CHN1: variants seen among roughly 807,000 people sequenced by gnomAD.
CHN1 encodes the protein N-chimaerin.
Under a neutral mutation model 59.5 loss-of-function variants are expected in CHN1, and 37 were observed. The observed-to-expected ratio is 0.62, with a 90% confidence interval of 0.48 to 0.82. The LOEUF is 0.82. Among genes scored for constraint, CHN1 ranks in the 40% least tolerant of loss-of-function variants. The probability of loss-of-function intolerance (pLI) is 0.00; values close to 1 mark genes in which losing one functional copy is unlikely to be tolerated. For missense variants in CHN1, 469 were observed against 571.0 expected (o/e 0.82, Z 1.82); for synonymous variants, 206 against 200.4 (o/e 1.03, Z -0.24).
intron 7 of CHN1, among the ~76,000 whole-genome samples, chr2:174,845,781 T>G (rs1363169350): frequency 9.5e-3 from 725 of 76,478 alleles, no homozygotes; most frequent in Middle Eastern, 0.011. Flanking sequence ...AGCATATGGG[T>G]GGGGGGGGGG....
chr2:175,003,281 A>G (rs1691947853), intron 1 of CHN1, among the ~76,000 whole-genome samples: 1 of 152,260 alleles, frequency 6.6e-6, no homozygotes, highest in African/African-American at 2.4e-5. Flanking sequence ...TCCCATAAGT[A>G]GACTTTAAAA....
In CHN1 at chr2:174,828,712, T is replaced by C. The variant is rs60518344; in HGVS notation, c.628-4194A>G. Among the ~76,000 whole-genome samples the C allele has an allele frequency of 2.4e-4, 37 of 152,324 alleles. No homozygotes were observed. In the East Asian group the frequency reaches 6.7e-3, roughly 28 times the overall value. On this transcript the variant is annotated intron_variant, in intron 7 of 12. Coordinates refer to ENST00000409900, the MANE Select transcript of CHN1 (RefSeq NM_001822.7). ...AAGCCATAAGTTGCATCTTGAAGAC[T>C]ATTTGTGTGTTGCAGGATGCTAAGG...
At chr2:174,931,791 A>C (rs1277047312) in intron 3 of CHN1, among the ~76,000 whole-genome samples, 3 of 152,328 alleles carry the variant, frequency 2.0e-5, no homozygotes, top group Non-Finnish European at 4.4e-5. Context: ...GATTTGAAGC[A>C]TATGAACGAA....
chr2:174,980,743 T>C (rs1446562729), intron 1 of CHN1, among the ~76,000 whole-genome samples: 2 of 152,132 alleles, frequency 1.3e-5, no homozygotes, highest in Non-Finnish European at 1.5e-5. Context: ...AATGTGTAGA[T>C]TGTTGCAAAC....
At chr2:174,965,117 T>A (rs889509749) in intron 1 of CHN1, among the ~76,000 whole-genome samples, 2 of 152,146 alleles carry the variant, frequency 1.3e-5, no homozygotes, top group African/African-American at 4.8e-5. Context: ...ATTCATTTAC[T>A]GACTGATAGG....
intron 2 of CHN1, among the ~76,000 whole-genome samples, chr2:174,951,960 C>T (rs1314303557): frequency 6.6e-6 from 1 of 152,180 alleles, no homozygotes; most frequent in Non-Finnish European, 1.5e-5. Flanking sequence ...GGATGAAATG[C>T]ATTCCAGACG....
At chr2:174,835,524 T>C (rs1207705625) in intron 7 of CHN1, among the ~76,000 whole-genome samples, 1 of 152,082 alleles carries the variant, frequency 6.6e-6, no homozygotes, top group Admixed American at 6.6e-5. Flanking sequence ...AAATTACACT[T>C]ATGTTAAGAC....
intron 1 of CHN1, among the ~76,000 whole-genome samples, chr2:174,966,036 G>A (rs1157914080): frequency 1.3e-5 from 2 of 152,128 alleles, no homozygotes; most frequent in African/African-American, 4.8e-5. Context: ...AAACAAAAAT[G>A]AGCCTTGCTA....
At position 174,811,504 on chromosome 2, in the gene CHN1, A is replaced by G; in HGVS notation, c.964+7T>C. ...TCCTAAGTTATGGAACATTGTGAAA[A>G]ACATACCTCTGTCGAAAGCCATCTT... On this transcript the variant is annotated splice_region_variant and intron_variant, in intron 10 of 12. Coordinates refer to ENST00000409900, the MANE Select transcript of CHN1 (RefSeq NM_001822.7). 5 of 1,599,920 alleles carry G rather than the reference A, an allele frequency of 3.1e-6. No individual in the cohort carries two copies. Among genetic ancestry groups the G allele is most frequent in the Non-Finnish European group, 4.3e-6 (5 of 1,168,688 alleles).
At chr2:174,864,504 A>T (rs1687157556) in intron 6 of CHN1, among the ~76,000 whole-genome samples, 1 of 152,222 alleles carries the variant, frequency 6.6e-6, no homozygotes. Flanking sequence ...AAATTAGGTT[A>T]ATCATTTAAT....
At chr2:174,830,017 G>A (rs1685818123) in intron 7 of CHN1, among the ~76,000 whole-genome samples, 1 of 152,058 alleles carries the variant, frequency 6.6e-6, no homozygotes, top group East Asian at 1.9e-4. Context: ...TGGCTCACGA[G>A]GTCAAGAGAT....
At chr2:174,947,995 A>T (rs1689896866) in intron 2 of CHN1, among the ~76,000 whole-genome samples, 1 of 152,200 alleles carries the variant, frequency 6.6e-6, no homozygotes, top group African/African-American at 2.4e-5. Flanking sequence ...TAAATTCAAG[A>T]TGAGGGAATA....
rs888042480 is a variant in CHN1 at position 175,005,335 on chromosome 2, C to A, written c.-423G>T. On this transcript the variant is annotated 5_prime_UTR_variant, in exon 1 of 13. Transcript: ENST00000409900. ...AGCCCCCGGCGGGGCGCGCTCACTC[C>A]GCATCCCGCGGCCTCGCAGACGCCA... The A allele has an allele frequency of 5.2e-6, 6 of 1,163,192 alleles. No individual in the cohort carries two copies. Among genetic ancestry groups the A allele is most frequent in the Non-Finnish European group, 6.5e-6 (6 of 925,938 alleles). The allele number at this position is 1,163,192 out of a possible 1,614,324, so 72.1% of individuals were successfully genotyped here. A position where few individuals can be genotyped will look rare whatever the true frequency, so the allele number is the denominator to read the frequency against.
intron 1 of CHN1, among the ~76,000 whole-genome samples, chr2:174,970,493 G>A (rs1422864037): frequency 6.6e-6 from 1 of 152,174 alleles, no homozygotes; most frequent in African/African-American, 2.4e-5. Context: ...CCACCACCAT[G>A]AGCTTGACAG....
chr2:174,920,893 TC>T, intron 3 of CHN1: 1 of 414,798 alleles, frequency 2.4e-6, no homozygotes, highest in Non-Finnish European at 4.9e-6. Flanking sequence ...GAGCTTGTTT[TC>T]CTGCAACTAG....
chr2:174,985,325 T>G (rs1691304612), intron 1 of CHN1, among the ~76,000 whole-genome samples: 1 of 152,200 alleles, frequency 6.6e-6, no homozygotes, highest in African/African-American at 2.4e-5. Flanking sequence ...AAAGCAGTAT[T>G]AATTGTCAAA....
chr2:174,838,048 G>A (rs529691817), intron 7 of CHN1, among the ~76,000 whole-genome samples: 1 of 152,102 alleles, frequency 6.6e-6, no homozygotes, highest in African/African-American at 2.4e-5. Context: ...GTATTCTTTA[G>A]GTACATGCTT....
At chr2:174,805,067 A>G (rs1452296504) in intron 11 of CHN1, among the ~76,000 whole-genome samples, 1 of 152,246 alleles carries the variant, frequency 6.6e-6, no homozygotes, top group African/African-American at 2.4e-5. Flanking sequence ...GACAAAATGG[A>G]ATGTATTCAG....
intron 7 of CHN1, chr2:174,846,448 T>C: frequency 6.6e-7 from 1 of 1,526,538 alleles, no homozygotes; most frequent in Non-Finnish European, 8.8e-7. Context: ...CTATGAGAAA[T>C]GCAAACCATC....
Sources: allele counts gnomAD v4.1 joint callset (sites outside exome capture counted in the v4.1 genomes callset), GRCh38; gene constraint gnomAD v4.1.1; transcripts MANE v1.5; gene names NCBI Gene and HGNC (gene_info 2026-07-23, HGNC 2026-07-21).